The following NAA35 variants were observed in gnomAD, a reference collection of about 807,000 sequenced individuals.
NAA35 encodes N-alpha-acetyltransferase 35, NatC auxiliary subunit.
Under a neutral mutation model 101.7 loss-of-function variants are expected in NAA35, and 18 were observed. That is an observed-to-expected ratio of 0.18 (90% CI 0.12 to 0.26). NAA35 has a LOEUF of 0.26. Ranked by LOEUF, NAA35 falls within the 10% of genes least tolerant of loss-of-function variation. The pLI is 1.00. For synonymous variants in NAA35, 267 were observed against 273.1 expected (o/e 0.98, Z 0.22); for missense variants, 601 against 886.8 (o/e 0.68, Z 4.09).
chr9:85,976,586 A>AT (rs1830223178), intron 8 of NAA35, 99 bp from the exon 9 acceptor site: 4 of 825,478 alleles, frequency 4.8e-6, no homozygotes, highest in Non-Finnish European at 7.3e-6. Flanking sequence ...CCAAAAACAG[A>AT]TTCTTGTGTA....
intron 2 of NAA35, among the ~76,000 whole-genome samples, chr9:85,953,566 C>T (rs1177513051): frequency 4.6e-5 from 7 of 152,116 alleles, no homozygotes; most frequent in Non-Finnish European, 7.4e-5. Flanking sequence ...GCTGGGACTA[C>T]AGGCACCCAC....
chr9:85,951,162 G>T (rs1488122406), intron 2 of NAA35, among the ~76,000 whole-genome samples: 2 of 151,314 alleles, frequency 1.3e-5, no homozygotes, highest in African/African-American at 2.4e-5. Flanking sequence ...ATGATAACCC[G>T]TTGCATGTTA....
At chr9:85,963,186 C>T (rs75293002) in intron 6 of NAA35, among the ~76,000 whole-genome samples, 1 of 149,378 alleles carries the variant, frequency 6.7e-6, no homozygotes, top group Non-Finnish European at 1.5e-5. Context: ...ATATGTAAAA[C>T]TTTTCTCAAT....
At chr9:85,950,756 T>A (rs1012644959) in intron 2 of NAA35, among the ~76,000 whole-genome samples, 3 of 152,224 alleles carry the variant, frequency 2.0e-5, no homozygotes, top group African/African-American at 7.2e-5. Context: ...CCATTATACT[T>A]TTTAAAATTA....
At chr9:85,949,209 A>G (rs1230587454) in intron 2 of NAA35, among the ~76,000 whole-genome samples, 1 of 151,848 alleles carries the variant, frequency 6.6e-6, no homozygotes, top group Non-Finnish European at 1.5e-5. Flanking sequence ...TCCTTATGGA[A>G]TGTCTGTTAT....
chr9:85,978,234 A>G (rs745851257), intron 10 of NAA35, 33 bp from the exon 11 acceptor site: 2 of 1,238,202 alleles, frequency 1.6e-6, no homozygotes, highest in Non-Finnish European at 2.4e-6. Context: ...GTGAAAGAAT[A>G]TGTAAGAATG....
chr9:86,006,875 T>TA (rs1831667986), intron 13 of NAA35, among the ~76,000 whole-genome samples: 1 of 152,160 alleles, frequency 6.6e-6, no homozygotes, highest in Non-Finnish European at 1.5e-5. Context: ...AGTGGATTGT[T>TA]AAGGAAAGGA....
intron 11 of NAA35, chr9:85,986,827 G>A (rs2118153945): frequency 4.3e-6 from 1 of 233,084 alleles, no homozygotes; most frequent in South Asian, 5.0e-5. Flanking sequence ...CTGACCTCAA[G>A]TGATCCGCCC....
At chr9:85,976,664 T>A in intron 8 of NAA35, 21 bp from the exon 9 acceptor site, 1 of 1,558,888 alleles carries the variant, frequency 6.4e-7, no homozygotes, top group South Asian at 1.2e-5. Flanking sequence ...TGTGTTTAAT[T>A]CACCTTTTTT....
intron 3 of NAA35, among the ~76,000 whole-genome samples, chr9:85,957,708 G>C (rs1318056979): frequency 1.3e-5 from 2 of 152,142 alleles, no homozygotes; most frequent in African/African-American, 2.4e-5. Flanking sequence ...TTCCTATACT[G>C]CCATGGCCAG....
intron 2 of NAA35, among the ~76,000 whole-genome samples, chr9:85,948,162 CTTATAG>C (rs1001873067): frequency 5.9e-5 from 9 of 152,134 alleles, no homozygotes; most frequent in African/African-American, 1.4e-4. Flanking sequence ...GACTTAACCC[CTTATAG>C]TTATAGGTAG....
intron 11 of NAA35, among the ~76,000 whole-genome samples, chr9:85,988,172 C>T (rs759490161): frequency 6.6e-6 from 1 of 152,162 alleles, no homozygotes; most frequent in African/African-American, 2.4e-5. Flanking sequence ...TAACACCTCA[C>T]TCAAAAAACT....
intron 12 of NAA35, among the ~76,000 whole-genome samples, chr9:86,002,283 C>G (rs148655796): frequency 1.6e-4 from 25 of 152,160 alleles, no homozygotes; most frequent in African/African-American, 6.0e-4. Context: ...TTTGTAGCTG[C>G]CTTTAACATT....
intron 11 of NAA35, among the ~76,000 whole-genome samples, chr9:85,984,922 A>C (rs1047921673): frequency 6.6e-6 from 1 of 152,152 alleles, no homozygotes; most frequent in Non-Finnish European, 1.5e-5. Context: ...AAGCTATGGA[A>C]CTCTTAAAAC....
At chr9:85,956,325 A>G (rs776085020) in intron 2 of NAA35, 35 bp from the exon 3 acceptor site, 11 of 1,251,884 alleles carry the variant, frequency 8.8e-6, no homozygotes, top group African/African-American at 1.6e-5. Flanking sequence ...TTAAATATAA[A>G]TATGTTCAAA....
At chr9:86,014,748 C>G (rs926503753) in intron 17 of NAA35, among the ~76,000 whole-genome samples, 3 of 152,194 alleles carry the variant, frequency 2.0e-5, no homozygotes, top group Non-Finnish European at 4.4e-5. Context: ...AGGCTTTTGA[C>G]AGACAACTCT....
chr9:85,973,325 A>G (rs1830073337), intron 6 of NAA35, among the ~76,000 whole-genome samples: 1 of 152,242 alleles, frequency 6.6e-6, no homozygotes, highest in Non-Finnish European at 1.5e-5. Flanking sequence ...AGGAAATGAC[A>G]TGATGTGACT....
At chr9:86,003,456 A>G (rs1831500238) in intron 12 of NAA35, 129 bp from the exon 13 acceptor site, 1 of 449,856 alleles carries the variant, frequency 2.2e-6, no homozygotes, top group African/African-American at 2.0e-5. Flanking sequence ...AATGACCTTT[A>G]TTTGTCATAT....
intron 6 of NAA35, among the ~76,000 whole-genome samples, chr9:85,966,980 G>T (rs567234644): frequency 6.6e-6 from 1 of 152,258 alleles, no homozygotes; most frequent in East Asian, 1.9e-4. Context: ...AGTGGCACAT[G>T]CCTGTAGTCA....
Sources: gnomAD v4.1 joint callset for allele counts (sites outside exome capture counted in the v4.1 genomes callset) on GRCh38, gnomAD v4.1.1 for gene constraint, MANE v1.5 for transcripts, NCBI Gene and HGNC (gene_info 2026-07-23, HGNC 2026-07-21) for gene names.